SLC7A5: variants seen among roughly 807,000 people sequenced by gnomAD.
SLC7A5 encodes large neutral amino acids transporter small subunit 1.
A neutral mutation model predicts 50.2 loss-of-function variants in SLC7A5; 23 were observed. The observed-to-expected ratio is 0.46, with a 90% CI of 0.33 to 0.65. The LOEUF (loss-of-function observed/expected upper bound fraction) is 0.65, where lower values mean the gene tolerates loss of function less well. Among genes scored for constraint, SLC7A5 ranks in the 30% least tolerant of loss-of-function variants. SLC7A5 has a pLI of 0.02. For synonymous variants in SLC7A5, 393 were observed against 330.6 expected (o/e 1.19, Z -2.05); for missense variants, 578 against 684.4 (o/e 0.84, Z 1.73).
intron 3 of SLC7A5, 65 bp from the exon 4 acceptor site, chr16:87,840,538 G>C (rs1233807638): frequency 4.4e-6 from 6 of 1,379,062 alleles, no homozygotes; most frequent in South Asian, 1.2e-5. Flanking sequence ...TCACCGGGGA[G>C]AGAGCATCCC....
chr16:87,836,170 G>A (rs969599453), intron 8 of SLC7A5, among the ~76,000 whole-genome samples: 3 of 152,236 alleles, frequency 2.0e-5, no homozygotes, highest in Non-Finnish European at 4.4e-5. Context: ...TTTGAATGCT[G>A]CGCCAGGCCC....
At chr16:87,834,692 C>T in intron 8 of SLC7A5, 101 bp from the exon 9 acceptor site, 1 of 1,240,098 alleles carries the variant, frequency 8.1e-7, no homozygotes, top group Non-Finnish European at 1.2e-6. Flanking sequence ...ACACCCACGG[C>T]TGCTGACTTC....
Position 87,869,470 on chromosome 16 carries a change from C to G in SLC7A5, c.-48G>C. The G allele has an allele frequency of 8.8e-6, 11 of 1,244,452 alleles. No individual in the cohort carries two copies. Among genetic ancestry groups the G allele is most frequent in the East Asian group, 3.5e-5 (1 of 28,932 alleles). The allele number at this position is 1,244,452 out of a possible 1,614,324, so 77.1% of individuals were successfully genotyped here. On this transcript the variant is annotated 5_prime_UTR_variant, in exon 1 of 10. Coordinates refer to ENST00000261622, the MANE Select transcript of SLC7A5 (RefSeq NM_003486.7). ...GGGACACCCGGGAGCCGCGGCCCAG[C>G]GAGCAGTGTGCGCGCCGCCCGCCGC...
intron 1 of SLC7A5, among the ~76,000 whole-genome samples, chr16:87,857,704 G>A (rs552207016): frequency 6.6e-6 from 1 of 152,366 alleles, no homozygotes; most frequent in South Asian, 2.1e-4. Context: ...CAAGGCCCTG[G>A]CCCCACCTGT....
rs1597490470 is a variant in SLC7A5, at chr16:87,833,429, G to A, written c.1469-404C>T. Among the ~76,000 whole-genome samples the A allele has an allele frequency of 6.6e-6, 1 of 152,240 alleles. No individual in the cohort carries two copies. The highest frequency in any genetic ancestry group is 2.4e-5 in the African/African-American group (1 of 41,466). On this transcript the variant is annotated intron_variant, in intron 9 of 9. Coordinates refer to ENST00000261622, the MANE Select transcript of SLC7A5 (RefSeq NM_003486.7). This position sits in a 1 kb window ranked among gnomAD's most constrained non-coding sequence, Gnocchi z 6.0. ...TGTTCACAGCAGGCAGGGCCGGAGG[G>A]GCCAATCTGCTAACGGGTCCTCGGA...
intron 2 of SLC7A5, among the ~76,000 whole-genome samples, chr16:87,849,974 T>C (rs920593485): frequency 2.6e-5 from 4 of 152,172 alleles, no homozygotes; most frequent in African/African-American, 9.7e-5. Context: ...TTGTACAGAT[T>C]GATACATTTG....
chr16:87,863,416 C>A (rs1045286234), intron 1 of SLC7A5, among the ~76,000 whole-genome samples: 2 of 152,182 alleles, frequency 1.3e-5, no homozygotes, highest in Admixed American at 1.3e-4. Context: ...AATCCAGGCC[C>A]AGCCAGAATC....
rs1443888746 is a variant in SLC7A5 at position 87,841,466 on chromosome 16, C to T, written c.665-311G>A. On this transcript the variant is annotated intron_variant, in intron 2 of 9. Coordinates refer to ENST00000261622, the MANE Select transcript of SLC7A5 (RefSeq NM_003486.7). The surrounding 1 kb of genome is among the most constrained non-coding windows in gnomAD (Gnocchi z 4.8). ...GGTCAGGATGGAGGGGTCAACCAGC[C>T]CCAGTTGCCTTCAAGAAGGTTCCCT... 6.6e-6 allele frequency among the ~76,000 whole-genome samples: 1 copy of T among 152,156 alleles called. No homozygotes were observed. Among genetic ancestry groups the T allele is most frequent in the African/African-American group, 2.4e-5 (1 of 41,434 alleles).
chr16:87,846,324 C>T (rs1351663324), intron 2 of SLC7A5, among the ~76,000 whole-genome samples: 3 of 152,232 alleles, frequency 2.0e-5, no homozygotes, highest in Non-Finnish European at 2.9e-5. Flanking sequence ...TTTGGCAGCT[C>T]GAGGCCGAGC....
chr16:87,856,824 C>G (rs538470133), intron 1 of SLC7A5, among the ~76,000 whole-genome samples: 38 of 152,144 alleles, frequency 2.5e-4, no homozygotes, highest in African/African-American at 7.7e-4. Flanking sequence ...TGTCATCCCC[C>G]GGGGGAACTT....
At chr16:87,854,074 C>CG (rs1466001133) in intron 1 of SLC7A5, 4 of 83,872 alleles carry the variant, frequency 4.8e-5, no homozygotes, top group Non-Finnish European at 8.7e-5. Flanking sequence ...ACCCCCCCGC[C>CG]CCCCCCCCCA....
Position 87,860,725 on chromosome 16 carries a change from C to T in SLC7A5, c.538+8160G>A, listed in dbSNP as rs2055387231. 6.6e-6 allele frequency among the ~76,000 whole-genome samples: 1 copy of T among 152,248 alleles called. No homozygotes were observed. The highest frequency in any genetic ancestry group is 2.1e-4 in the South Asian group (1 of 4,836). On this transcript the variant is annotated intron_variant, in intron 1 of 9. Coordinates refer to ENST00000261622, the MANE Select transcript of SLC7A5 (RefSeq NM_003486.7). The surrounding 1 kb of genome is among the most constrained non-coding windows in gnomAD (Gnocchi z 4.8). ...CTCAGTAGTGACAGATGCTGGCCCA[C>T]CCCGAGGTCAGGATGACTCAGCAGG...
At chr16:87,835,761 A>G (rs181425251) in intron 8 of SLC7A5, among the ~76,000 whole-genome samples, 2,968 of 152,296 alleles carry the variant, frequency 0.019, 105 homozygotes, top group African/African-American at 0.067. Flanking sequence ...GGCGTGAGCC[A>G]CCGCGCCCAG....
At chr16:87,843,159 G>A (rs1003146914) in intron 2 of SLC7A5, among the ~76,000 whole-genome samples, 8 of 152,056 alleles carry the variant, frequency 5.3e-5, no homozygotes, top group African/African-American at 1.9e-4. Flanking sequence ...CTGATGGACA[G>A]GAGGCCTCAG....
chr16:87,868,072 T>C (rs575391787), intron 1 of SLC7A5, among the ~76,000 whole-genome samples: 3 of 143,088 alleles, frequency 2.1e-5, no homozygotes, highest in Non-Finnish European at 4.5e-5. Context: ...GCCGAGATCG[T>C]GCCACTGTAC....
chr16:87,855,611 C>G (rs1043867016), intron 1 of SLC7A5, among the ~76,000 whole-genome samples: 1 of 152,068 alleles, frequency 6.6e-6, no homozygotes, highest in Non-Finnish European at 1.5e-5. Context: ...GCCGGCTCTG[C>G]TCACCTCCCC....
intron 2 of SLC7A5, among the ~76,000 whole-genome samples, chr16:87,850,155 G>T (rs1003340014): frequency 6.6e-6 from 1 of 152,212 alleles, no homozygotes; most frequent in African/African-American, 2.4e-5. Flanking sequence ...GCCAGCAGGG[G>T]GCGCCAGGAG....
Position 87,851,756 on chromosome 16 carries a change from A to C in SLC7A5, c.632T>G (p.Ile211Ser). The C allele has an allele frequency of 6.2e-7, 1 of 1,613,192 alleles. No individual in the cohort carries two copies. Among genetic ancestry groups the C allele is most frequent in the Non-Finnish European group, 8.5e-7 (1 of 1,179,956 alleles). The change falls in exon 2 of 10, where the codon ATC becomes AGC. Residue 211 changes from isoleucine to serine, a missense_variant. Around this residue, in one of 2 missense-constraint regions of SLC7A5, gnomAD observed 465 missense variants for 594.6 expected, o/e 0.78. Coordinates refer to ENST00000261622, the MANE Select transcript of SLC7A5 (RefSeq NM_003486.7). Reference protein sequence around the residue: ...AAAKLLALALIILLGFVQIGK... With the variant: ...AAAKLLALALSILLGFVQIGK... ...GATCTGGACGAAGCCCAGCAGGATG[A>C]TCAGGGCCAGGGCCAGGAGCTTGGC...
chr16:87,839,784 G>A lies in SLC7A5; in HGVS notation c.857C>T (p.Thr286Met), dbSNP rs147152986. ...LAIIISLPIV[T>M]LVYVLTNLAY... Reference sequence around the variant, plus strand: ...CAGGTTGGTCAGCACGTACACCAGCGTCACGATGGGCAGGGAGATGATGAT... The same window carrying A: ...CAGGTTGGTCAGCACGTACACCAGCATCACGATGGGCAGGGAGATGATGAT... The change falls in exon 5 of 10, where the codon ACG becomes ATG. Residue 286 changes from threonine to methionine, a missense_variant. This residue lies in a region of SLC7A5 where 465 missense variants were observed against 594.6 expected (regional missense o/e 0.78). Transcript: ENST00000261622. The A allele has an allele frequency of 9.5e-5, 154 of 1,613,876 alleles. No homozygotes were observed. The highest frequency in any genetic ancestry group is 1.2e-4 in the Non-Finnish European group (138 of 1,179,996).
Sources: allele counts gnomAD v4.1 joint callset (sites outside exome capture counted in the v4.1 genomes callset), GRCh38; gene constraint gnomAD v4.1.1; regional missense constraint gnomAD v4.1.1; non-coding constraint Gnocchi (gnomAD v3.1); transcripts MANE v1.5; gene names NCBI Gene and HGNC (gene_info 2026-07-23, HGNC 2026-07-21).